The following ARNT2 variants were observed in gnomAD, a reference collection of about 807,000 sequenced individuals.
ARNT2 encodes ARNT protein 2.
Under a neutral mutation model 91.7 loss-of-function variants are expected in ARNT2, and 36 were observed. The observed-to-expected ratio is 0.39, with a 90% CI of 0.30 to 0.52. ARNT2 has a LOEUF of 0.52. Among genes scored for constraint, ARNT2 ranks in the 20% least tolerant of loss-of-function variants. ARNT2 has a pLI of 0.72. For missense variants in ARNT2, 775 were observed against 939.3 expected, an observed-to-expected ratio of 0.83 and a Z score of 2.29; for synonymous variants, 365 against 347.1, an observed-to-expected ratio of 1.05 and a Z score of -0.57.
chr15:80,591,170 A>G lies in ARNT2; in HGVS notation c.1919-398A>G, dbSNP rs1429227628. 6.6e-6 allele frequency among the ~76,000 whole-genome samples: 1 copy of G among 152,168 alleles called. No individual in the cohort carries two copies. The highest frequency in any genetic ancestry group is 1.5e-5 in the Non-Finnish European group (1 of 68,028). On this transcript the variant is annotated intron_variant, in intron 17 of 18. Coordinates refer to ENST00000303329, the MANE Select transcript of ARNT2 (RefSeq NM_014862.4). This position sits in a 1 kb window ranked among gnomAD's most constrained non-coding sequence, Gnocchi z 5.1. ...GTCTTCCTCCTCATGCCAACACCAT[A>G]CTGCTGAGGACAGACCCTCTCTCAG...
chr15:80,591,454 TG>T lies in ARNT2; in HGVS notation c.1919-112del. ...GATAGCAAACACATTCCGCCAGCTC[TG>T]GATGGAACGTGCCTTTCAGAAGCGG... is the stretch of plus-strand genomic sequence containing the variant. On this transcript the variant is annotated intron_variant, in intron 17 of 18. Coordinates refer to ENST00000303329, the MANE Select transcript of ARNT2 (RefSeq NM_014862.4). This position sits in a 1 kb window ranked among gnomAD's most constrained non-coding sequence, Gnocchi z 5.1. The T allele has an allele frequency of 1.5e-6, 2 of 1,345,666 alleles. No homozygotes were observed. Among genetic ancestry groups the T allele is most frequent in the Non-Finnish European group, 2.1e-6 (2 of 956,262 alleles). The allele number at this position is 1,345,666 out of a possible 1,614,324, so 83.4% of individuals were successfully genotyped here.
chr15:80,493,364 T>G (rs1007864749), intron 5 of ARNT2, among the ~76,000 whole-genome samples: 323 of 107,078 alleles, frequency 3.0e-3, no homozygotes, highest in Middle Eastern at 9.2e-3. Flanking sequence ...GGGGTGGGGG[T>G]GGGGGATTTG....
Position 80,514,176 on chromosome 15 carries a change from A to G in ARNT2, c.792-144A>G, listed in dbSNP as rs200589863. On this transcript the variant is annotated intron_variant, in intron 7 of 18. Coordinates refer to ENST00000303329, the MANE Select transcript of ARNT2 (RefSeq NM_014862.4). Reference sequence around the variant, plus strand: ...TTTGATTTTCAGACCATGTGGGAGGAAGGAACACAGGATGGTGAGGAGTCA... The same window carrying G: ...TTTGATTTTCAGACCATGTGGGAGGGAGGAACACAGGATGGTGAGGAGTCA... The G allele has an allele frequency of 1.4e-5, 14 of 984,662 alleles. No homozygotes were observed. In the East Asian group the frequency reaches 3.3e-4, roughly 23 times the overall value. The allele number at this position is 984,662 out of a possible 1,614,324, so 61.0% of individuals were successfully genotyped here.
intron 8 of ARNT2, among the ~76,000 whole-genome samples, chr15:80,549,545 G>A (rs1898047171): frequency 6.6e-6 from 1 of 152,088 alleles, no homozygotes; most frequent in African/African-American, 2.4e-5. Flanking sequence ...AGAGACAGAA[G>A]CAGACAATTC....
At chr15:80,419,901 C>T (rs1269459070) in intron 1 of ARNT2, among the ~76,000 whole-genome samples, 1 of 152,172 alleles carries the variant, frequency 6.6e-6, no homozygotes, top group Non-Finnish European at 1.5e-5. Flanking sequence ...GTAAGGCTCT[C>T]ACCAGAGGGT....
chr15:80,529,213 G>A (rs2141440041), intron 8 of ARNT2, among the ~76,000 whole-genome samples: 1 of 152,284 alleles, frequency 6.6e-6, no homozygotes, highest in Non-Finnish European at 1.5e-5. Context: ...TCTTGCCATT[G>A]CTAGCCTGCC....
intron 12 of ARNT2, among the ~76,000 whole-genome samples, chr15:80,564,181 C>T (rs115395372): frequency 3.0e-4 from 46 of 152,252 alleles, no homozygotes; most frequent in African/African-American, 1.0e-3. Context: ...CACCAGCATC[C>T]ATCATTTTCC....
At chr15:80,559,090 A>G (rs538975240) in intron 11 of ARNT2, among the ~76,000 whole-genome samples, 17 of 152,276 alleles carry the variant, frequency 1.1e-4, no homozygotes, top group South Asian at 1.0e-3. Flanking sequence ...TCTCCCTCCA[A>G]TGCATTCAAT....
chr15:80,415,506 G>A (rs753124361), intron 1 of ARNT2, among the ~76,000 whole-genome samples: 1 of 152,188 alleles, frequency 6.6e-6, no homozygotes, highest in Non-Finnish European at 1.5e-5. Flanking sequence ...GAGTGGGGGC[G>A]TGATGTGATC....
intron 1 of ARNT2, among the ~76,000 whole-genome samples, chr15:80,416,788 A>G (rs1396433871): frequency 6.6e-6 from 1 of 152,198 alleles, no homozygotes; most frequent in African/African-American, 2.4e-5. Context: ...TGGCAAGAAT[A>G]CCCCAAAAGT....
intron 5 of ARNT2, among the ~76,000 whole-genome samples, chr15:80,505,667 G>A (rs908645633): frequency 6.6e-6 from 1 of 152,178 alleles, no homozygotes; most frequent in Non-Finnish European, 1.5e-5. Flanking sequence ...AAGGAGGCAG[G>A]ACTTAAAGCT....
chr15:80,543,053 C>T (rs1197126073), intron 8 of ARNT2, among the ~76,000 whole-genome samples: 2 of 142,220 alleles, frequency 1.4e-5, no homozygotes, highest in South Asian at 2.2e-4. Context: ...ACCAAGATCG[C>T]GCCACTGCAC....
intron 3 of ARNT2, among the ~76,000 whole-genome samples, chr15:80,461,091 C>T (rs1279153650): frequency 4.6e-5 from 7 of 152,066 alleles, no homozygotes; most frequent in Non-Finnish European, 8.8e-5. Context: ...TGCCTGAGAG[C>T]GAAGTTTAGG....
At chr15:80,523,771 T>G (rs536631186) in intron 8 of ARNT2, among the ~76,000 whole-genome samples, 1 of 152,310 alleles carries the variant, frequency 6.6e-6, no homozygotes, top group Non-Finnish European at 1.5e-5. Flanking sequence ...CCAGAGAGTC[T>G]GCAAAGAGGA....
At chr15:80,508,318 G>T in intron 6 of ARNT2, 60 bp downstream of exon 6, 12 of 1,551,668 alleles carry the variant, frequency 7.7e-6, no homozygotes, top group South Asian at 3.4e-5. Context: ...TTCTGTCACC[G>T]TTAAGAGCCT....
chr15:80,484,401 G>A (rs1896934864), intron 5 of ARNT2, among the ~76,000 whole-genome samples: 1 of 152,218 alleles, frequency 6.6e-6, no homozygotes, highest in Admixed American at 6.5e-5. Context: ...ACGTGAGAAT[G>A]AAATCTGAGA....
At chr15:80,513,721 C>CAAAA (rs36113299) in intron 6 of ARNT2, among the ~76,000 whole-genome samples, 190 bp from the exon 7 acceptor site, 28,580 of 100,222 alleles carry the variant, frequency 0.29, 3,457 homozygotes, top group Non-Finnish European at 0.34. Flanking sequence ...TCTTCAGTCA[C>CAAAA]AAAAAAAAAA....
At chr15:80,534,754 G>A (rs888063728) in intron 8 of ARNT2, among the ~76,000 whole-genome samples, 3 of 152,228 alleles carry the variant, frequency 2.0e-5, no homozygotes, top group African/African-American at 4.8e-5. Flanking sequence ...AGATACTGCA[G>A]TGGACGTCCT....
At chr15:80,579,591 C>T (rs533038016) in intron 15 of ARNT2, among the ~76,000 whole-genome samples, 5 of 152,260 alleles carry the variant, frequency 3.3e-5, no homozygotes, top group African/African-American at 1.2e-4. Flanking sequence ...GGGCACCCAG[C>T]GCACTGCCCT....
Sources: allele counts gnomAD v4.1 joint callset (sites outside exome capture counted in the v4.1 genomes callset), GRCh38; gene constraint gnomAD v4.1.1; non-coding constraint Gnocchi (gnomAD v3.1); transcripts MANE v1.5; gene names NCBI Gene and HGNC (gene_info 2026-07-23, HGNC 2026-07-21).